The following TPD52L1 variants were observed in gnomAD, a reference collection of about 807,000 sequenced individuals.
TPD52L1 encodes the protein TPD52 like 1, also known as tumor protein D53.
In TPD52L1, 18 loss-of-function variants were observed where a neutral mutation model predicts 28.7. The observed-to-expected ratio is 0.63, with a 90% CI of 0.43 to 0.93. The LOEUF (loss-of-function observed/expected upper bound fraction) is 0.93, where lower values mean the gene tolerates loss of function less well. Among genes scored for constraint, TPD52L1 ranks in the 40% least tolerant of loss-of-function variants. TPD52L1 has a pLI of 0.00. For missense variants in TPD52L1, 203 were observed against 254.8 expected, an observed-to-expected ratio of 0.80 and a Z score of 1.39; for synonymous variants, 75 against 88.8, an observed-to-expected ratio of 0.84 and a Z score of 0.88.
At chr6:125,190,378 C>G (rs1263082534) in intron 1 of TPD52L1, among the ~76,000 whole-genome samples, 1 of 152,000 alleles carries the variant, frequency 6.6e-6, no homozygotes, top group African/African-American at 2.4e-5. Context: ...AACAACCAAA[C>G]TGATAACGGG....
At position 125,153,783 on chromosome 6, in the gene TPD52L1, A is replaced by C. The variant is rs1393285194; in HGVS notation, c.-169A>C. ...GGGGCGGAGGTAACCAGAAGCGGCTAGTGGCGGCTGCCTGCGTCCCCAACC... is the reference window on the plus strand; with the variant it reads ...GGGGCGGAGGTAACCAGAAGCGGCTCGTGGCGGCTGCCTGCGTCCCCAACC... On this transcript the variant is annotated 5_prime_UTR_variant, in exon 1 of 7. Transcript: ENST00000534000. The C allele has an allele frequency of 3.1e-6, 2 of 654,582 alleles. No individual in the cohort carries two copies. Among genetic ancestry groups the C allele is most frequent in the Non-Finnish European group, 4.9e-6 (2 of 406,300 alleles). The allele number at this position is 654,582 out of a possible 1,614,324, so 40.5% of individuals were successfully genotyped here.
At chr6:125,236,716 G>A (rs758410181) in intron 3 of TPD52L1, among the ~76,000 whole-genome samples, 4 of 152,118 alleles carry the variant, frequency 2.6e-5, no homozygotes, top group South Asian at 2.1e-4. Flanking sequence ...CTTGAGTCAC[G>A]TTTCAGGCCA....
chr6:125,172,533 T>C (rs1562214275), intron 1 of TPD52L1, among the ~76,000 whole-genome samples: 2 of 90,958 alleles, frequency 2.2e-5, no homozygotes, highest in Non-Finnish European at 4.0e-5. Flanking sequence ...TATATATATA[T>C]ATATATATAT....
At chr6:125,209,262 G>A (rs535070749) in intron 1 of TPD52L1, among the ~76,000 whole-genome samples, 4 of 152,286 alleles carry the variant, frequency 2.6e-5, no homozygotes, top group Non-Finnish European at 4.4e-5. Context: ...ATTGAACCCA[G>A]CCTCAAACAT....
chr6:125,217,920 G>A (rs1312049660), intron 1 of TPD52L1, among the ~76,000 whole-genome samples: 8 of 152,040 alleles, frequency 5.3e-5, no homozygotes, highest in African/African-American at 1.9e-4. Context: ...TATAGTGATA[G>A]TTCATTCATT....
chr6:125,250,976 C>A (rs1183689981), intron 4 of TPD52L1, among the ~76,000 whole-genome samples: 3 of 152,258 alleles, frequency 2.0e-5, no homozygotes, highest in African/African-American at 7.2e-5. Flanking sequence ...GTGTATATTT[C>A]TCTCAAACTA....
intron 1 of TPD52L1, among the ~76,000 whole-genome samples, chr6:125,177,181 C>T (rs149420934): frequency 3.0e-3 from 454 of 152,320 alleles, no homozygotes; most frequent in Non-Finnish European, 5.1e-3. Flanking sequence ...GACTTGATGG[C>T]TAGCTCATCA....
At chr6:125,171,624 A>G (rs1284948584) in intron 1 of TPD52L1, among the ~76,000 whole-genome samples, 2 of 152,130 alleles carry the variant, frequency 1.3e-5, no homozygotes, top group Non-Finnish European at 2.9e-5. Context: ...AAGGCAACAA[A>G]AACCTGGTTC....
chr6:125,221,444 T>A (rs1344535499), intron 2 of TPD52L1, among the ~76,000 whole-genome samples: 1 of 152,236 alleles, frequency 6.6e-6, no homozygotes, highest in African/African-American at 2.4e-5. Context: ...GTAAGCCAAC[T>A]GAGTCTAAGC....
chr6:125,186,503 A>G (rs1287444019), intron 1 of TPD52L1, among the ~76,000 whole-genome samples: 1 of 152,218 alleles, frequency 6.6e-6, no homozygotes. Context: ...ACTTGAATAG[A>G]TGAATTAATA....
chr6:125,180,320 A>T (rs1792102918), intron 1 of TPD52L1, among the ~76,000 whole-genome samples: 1 of 152,196 alleles, frequency 6.6e-6, no homozygotes, highest in Non-Finnish European at 1.5e-5. Flanking sequence ...AAAGAAAGTC[A>T]GGCTCGTACT....
At chr6:125,159,855 C>A (rs955281898) in intron 1 of TPD52L1, among the ~76,000 whole-genome samples, 1 of 152,122 alleles carries the variant, frequency 6.6e-6, no homozygotes, top group East Asian at 1.9e-4. Flanking sequence ...TTGGCTGTGT[C>A]CCCACCCAAA....
chr6:125,197,621 T>C (rs557692848), intron 1 of TPD52L1, among the ~76,000 whole-genome samples: 1 of 152,226 alleles, frequency 6.6e-6, no homozygotes, highest in South Asian at 2.1e-4. Context: ...GATTTTTTTT[T>C]AAGCAAAGTC....
chr6:125,167,433 T>C (rs2114763074), intron 1 of TPD52L1, among the ~76,000 whole-genome samples: 1 of 152,308 alleles, frequency 6.6e-6, no homozygotes. Context: ...TGTGGCTTCA[T>C]TCATTTATAA....
At position 125,171,712 on chromosome 6, in the gene TPD52L1, C is replaced by T. The variant is rs149456453; in HGVS notation, c.19+17742C>T. 1.2e-4 allele frequency among the ~76,000 whole-genome samples: 18 copies of T among 152,264 alleles called. No individual in the cohort carries two copies. In the East Asian group the frequency reaches 3.5e-3, roughly 29 times the overall value. ...TGAAACAGTTCTCCTCTGGTCCAGC[C>T]TCTAGATGAGAGTGCAGTATGGCCG... On this transcript the variant is annotated intron_variant, in intron 1 of 6. Transcript: ENST00000534000.
At position 125,153,810 on chromosome 6, in the gene TPD52L1, C is replaced by G. The variant is rs1341855326; in HGVS notation, c.-142C>G. ...TGGCGGCTGCCTGCGTCCCCAACCC[C>G]CTCCGCGCAGCGCTCGCGACACGCG... On this transcript the variant is annotated 5_prime_UTR_variant, in exon 1 of 7. Coordinates refer to ENST00000534000, the MANE Select transcript of TPD52L1 (RefSeq NM_003287.4). 2.0e-5 allele frequency: 19 copies of G among 970,702 alleles called. No individual in the cohort carries two copies. The East Asian group carries it at 5.5e-4, about 28-fold the overall frequency. The allele number at this position is 970,702 out of a possible 1,614,324, so 60.1% of individuals were successfully genotyped here. A position where few individuals can be genotyped will look rare whatever the true frequency, so the allele number is the denominator to read the frequency against.
intron 1 of TPD52L1, chr6:125,154,613 C>T: frequency 1.2e-6 from 1 of 842,160 alleles, no homozygotes; most frequent in Non-Finnish European, 1.4e-6. Context: ...GCTCCCTGCT[C>T]CCGGGGCTGC....
chr6:125,168,797 T>C (rs1218012234), intron 1 of TPD52L1, among the ~76,000 whole-genome samples: 5 of 152,164 alleles, frequency 3.3e-5, no homozygotes, highest in South Asian at 2.1e-4. Flanking sequence ...ATTAAGGCCT[T>C]CTGAGATTTT....
intron 1 of TPD52L1, among the ~76,000 whole-genome samples, chr6:125,203,032 G>A (rs580352): frequency 0.15 from 22,505 of 151,914 alleles, 2,018 homozygotes; most frequent in East Asian, 0.27. Flanking sequence ...TCTCAGTGGA[G>A]GTTTATCTTG....
Sources: gnomAD v4.1 joint callset for allele counts (sites outside exome capture counted in the v4.1 genomes callset) on GRCh38, gnomAD v4.1.1 for gene constraint, MANE v1.5 for transcripts, NCBI Gene and HGNC (gene_info 2026-07-23, HGNC 2026-07-21) for gene names.